The following FYCO1 variants were observed in gnomAD, a reference collection of about 807,000 sequenced individuals.
The protein encoded by FYCO1 is FYVE and coiled-coil domain autophagy adaptor 1.
In FYCO1, 122 loss-of-function variants were observed where a neutral mutation model predicts 165.1. The ratio of observed to expected loss-of-function variants is 0.74; its 90% CI spans 0.64 to 0.86. The LOEUF (loss-of-function observed/expected upper bound fraction) is 0.86, where lower values mean the gene tolerates loss of function less well. Ranked by LOEUF, FYCO1 falls within the 40% of genes least tolerant of loss-of-function variation. The pLI is 0.00. For missense variants in FYCO1, 1,702 were observed against 1,810.3 expected (o/e 0.94, Z 1.09); for synonymous variants, 648 against 742.5 (o/e 0.87, Z 2.07).
chr3:45,984,847 C>A lies in FYCO1; in HGVS notation c.55+9G>T. 6.2e-7 allele frequency: 1 copy of A among 1,614,182 alleles called. No individual in the cohort carries two copies. On this transcript the variant is annotated intron_variant, in intron 2 of 17. Coordinates refer to ENST00000296137, the MANE Select transcript of FYCO1 (RefSeq NM_024513.4). ...AACCAAACTCAGCCTGCCCAGCAAC[C>A]TACCATACCTTGCAAGTCTCGGATG...
At chr3:45,936,385 G>A (rs1161506534) in intron 15 of FYCO1, 63 bp downstream of exon 15, 4 of 1,111,910 alleles carry the variant, frequency 3.6e-6, no homozygotes, top group Non-Finnish European at 5.5e-6. Context: ...GCCGGCACTG[G>A]AGAGGCCAGT....
chr3:45,946,613 T>C lies in FYCO1; in HGVS notation c.3944+8636A>G, dbSNP rs376885235. 8.7e-6 allele frequency: 14 copies of C among 1,614,104 alleles called. No homozygotes were observed. The Admixed American group carries it at 1.2e-4, about 13-fold the overall frequency. On this transcript the variant is annotated intron_variant, in intron 14 of 17. Coordinates refer to ENST00000296137, the MANE Select transcript of FYCO1 (RefSeq NM_024513.4). ...GCATGTACCTGGTGGTGTTTGTCTG[T>C]GGTCTGGTGGGGAACTCTCTGGTGC...
At chr3:45,956,337 AAAATAAAT>A (rs56249293) in intron 13 of FYCO1, among the ~76,000 whole-genome samples, 57,774 of 149,152 alleles carry the variant, frequency 0.39, 11,911 homozygotes, top group East Asian at 0.65. Flanking sequence ...CTTAGTCTCA[AAAATAAAT>A]AAATAAATAA....
At position 45,969,687 on chromosome 3, in the gene FYCO1, G is replaced by T; in HGVS notation, c.618C>A (p.Ser206Arg). 2 of 1,613,802 alleles carry T rather than the reference G, an allele frequency of 1.2e-6. No homozygotes were observed. Among genetic ancestry groups the T allele is most frequent in the Non-Finnish European group, 1.7e-6 (2 of 1,179,762 alleles). Residue 206 changes from serine to arginine, a missense_variant, in exon 7 of 18, where the codon AGC becomes AGA. Physicochemically the swap from Ser to Arg is moderately radical, Grantham distance 110 (BLOSUM62 -1). Transcript: ENST00000296137. ...TTCCTGGCCTTACCTGCAGGTAGCT[G>T]CTCACCAAGCTGCTCATGCTGGAGC... is the stretch of plus-strand genomic sequence containing the variant. Reference protein sequence around the residue: ...SRSSSMSSLVSSYLQTQEMVS... With the variant: ...SRSSSMSSLVRSYLQTQEMVS...
At chr3:45,923,553 TAA>T in intron 17 of FYCO1, 101 bp downstream of exon 17, 1 of 784,468 alleles carries the variant, frequency 1.3e-6, no homozygotes, top group Non-Finnish European at 2.3e-6. Flanking sequence ...CAATTAATAA[TAA>T]GTTACTGACA....
intron 5 of FYCO1, among the ~76,000 whole-genome samples, chr3:45,974,842 G>A (rs1706651145): frequency 6.6e-6 from 1 of 152,162 alleles, no homozygotes; most frequent in Non-Finnish European, 1.5e-5. Context: ...AGTATGCCAG[G>A]TGAGGACGCA....
At chr3:45,992,301 G>T (rs2125883339) in intron 1 of FYCO1, among the ~76,000 whole-genome samples, 1 of 152,320 alleles carries the variant, frequency 6.6e-6, no homozygotes, top group East Asian at 1.9e-4. Flanking sequence ...GACAACAGCA[G>T]TGCCAGCGTA....
Position 45,968,075 on chromosome 3 carries a change from A to C in FYCO1, c.1259T>G (p.Val420Gly). ...LERERTKVEE[V>G]NRQQSAQLEQ... The stretch of plus-strand genomic sequence containing the variant: ...CAGTTGGGCACTCTGCTGTCTGTTG[A>C]CCTCCTCGACCTTGGTTCTCTCCCT... Residue 420 changes from valine to glycine, a missense_variant, in exon 8 of 18, where the codon GTC (valine) becomes GGC (glycine). Transcript: ENST00000296137. 1 of 1,612,586 alleles carries C rather than the reference A, an allele frequency of 6.2e-7. No individual in the cohort carries two copies. Among genetic ancestry groups the C allele is most frequent in the Non-Finnish European group, 8.5e-7 (1 of 1,179,696 alleles).
rs930322976 is a variant in FYCO1 at position 45,958,450 on chromosome 3, G to A, written c.3757C>T (p.Leu1253=). ...GTSQGEPSPA[L]SPASPGPQAT... ...TGGGGCCCAGGTGAGGCTGGTGACA[G>A]TGCAGGGCTGGGCTCTCCCTGGCTA... The change falls in exon 13 of 18, where the codon CTG becomes TTG. Residue 1253 remains leucine, a synonymous_variant. Coordinates refer to ENST00000296137, the MANE Select transcript of FYCO1 (RefSeq NM_024513.4). 1 of 1,612,964 alleles carries A rather than the reference G, an allele frequency of 6.2e-7. No homozygotes were observed. The highest frequency in any genetic ancestry group is 1.3e-5 in the African/African-American group (1 of 74,908).
intron 16 of FYCO1, among the ~76,000 whole-genome samples, chr3:45,929,122 G>C (rs1056624741): frequency 9.2e-5 from 14 of 152,226 alleles, no homozygotes; most frequent in Admixed American, 7.2e-4. Context: ...CCCTGGCCAT[G>C]GTCTCTTTGG....
chr3:45,942,574 A>G (rs2125815320), intron 14 of FYCO1, among the ~76,000 whole-genome samples: 1 of 152,348 alleles, frequency 6.6e-6, no homozygotes, highest in South Asian at 2.1e-4. Context: ...GAAAGCAGAC[A>G]TCGAGTCCAT....
Position 45,931,676 on chromosome 3 carries a change from T to C in FYCO1, c.4041-395A>G, listed in dbSNP as rs535276142. ...CTGAAGATGCCCTGCTGCTCAGCCA[T>C]CTGTTTTTTCTCTGCCATTTCTCCT... On this transcript the variant is annotated intron_variant, in intron 15 of 17. Transcript: ENST00000296137. 1.8e-4 allele frequency among the ~76,000 whole-genome samples: 28 copies of C among 152,312 alleles called. 1 individual carries two copies. In the South Asian group the frequency reaches 5.8e-3, roughly 32 times the overall value.
At chr3:45,971,202 G>A (rs71325099) in intron 6 of FYCO1, among the ~76,000 whole-genome samples, 3 of 152,016 alleles carry the variant, frequency 2.0e-5, no homozygotes, top group Non-Finnish European at 4.4e-5. Flanking sequence ...AAGAATCCAT[G>A]AGTCAATACT....
chr3:45,958,015 G>C (rs983305948), intron 13 of FYCO1, among the ~76,000 whole-genome samples: 1 of 152,242 alleles, frequency 6.6e-6, no homozygotes, highest in African/African-American at 2.4e-5. Flanking sequence ...CATGAAGGAA[G>C]AGCGAGCTTC....
intron 13 of FYCO1, 81 bp from the exon 14 acceptor site, chr3:45,955,474 GA>G: frequency 6.6e-7 from 1 of 1,505,862 alleles, no homozygotes; most frequent in Admixed American, 1.7e-5. Context: ...TTGGGAAAGT[GA>G]GAGAGTGCAG....
rs377563708 is a variant in FYCO1 at position 45,972,939 on chromosome 3, A to G, written c.539+149T>C. On this transcript the variant is annotated intron_variant, in intron 6 of 17. Transcript: ENST00000296137. ...ATGTTATTGTTAGTCATGATTCAAC[A>G]AAGTCTGTAAAAGGAGCTGGAATAA... 3.7e-4 allele frequency: 302 copies of G among 821,050 alleles called. 5 individuals are homozygous for G. In the South Asian group the frequency reaches 4.3e-3, roughly 12 times the overall value. The allele number at this position is 821,050 out of a possible 1,614,324, so 50.9% of individuals were successfully genotyped here.
chr3:45,966,212 C>G, intron 8 of FYCO1, 65 bp downstream of exon 8: 21 of 1,554,220 alleles, frequency 1.4e-5, no homozygotes, highest in Non-Finnish European at 1.8e-5. Context: ...GGTGCATCTT[C>G]CCATGGACCC....
intron 14 of FYCO1, chr3:45,946,586 C>G: frequency 6.2e-7 from 1 of 1,614,192 alleles, no homozygotes; most frequent in Non-Finnish European, 8.5e-7. Context: ...TCTTTCTGCC[C>G]TGCATGTACC....
At chr3:45,970,563 CA>C (rs1706364030) in intron 6 of FYCO1, among the ~76,000 whole-genome samples, 1 of 152,200 alleles carries the variant, frequency 6.6e-6, no homozygotes, top group South Asian at 2.1e-4. Context: ...GAATTCTCTA[CA>C]CCATGGGTTG....
Sources: allele counts gnomAD v4.1 joint callset (sites outside exome capture counted in the v4.1 genomes callset), GRCh38; gene constraint gnomAD v4.1.1; transcripts MANE v1.5; gene names NCBI Gene and HGNC (gene_info 2026-07-23, HGNC 2026-07-21).